Variants in MACROH2A1 observed in about 807,000 individuals in gnomAD.
The protein encoded by MACROH2A1 is core histone macro-H2A.1.
MACROH2A1 carries 2 observed loss-of-function variants against 31.6 expected under a neutral mutation model. The observed-to-expected ratio is 0.06, with a 90% CI of 0.03 to 0.20. MACROH2A1 has a LOEUF of 0.20. Among genes scored for constraint, MACROH2A1 ranks in the 10% least tolerant of loss-of-function variants. The pLI is 1.00. For missense variants in MACROH2A1, 230 were observed against 474.0 expected, an observed-to-expected ratio of 0.49 and a Z score of 4.78; for synonymous variants, 169 against 189.6, an observed-to-expected ratio of 0.89 and a Z score of 0.89.
At chr5:135,377,595 C>G (rs996483352) in intron 2 of MACROH2A1, among the ~76,000 whole-genome samples, 1 of 152,056 alleles carries the variant, frequency 6.6e-6, no homozygotes, top group Non-Finnish European at 1.5e-5. Context: ...ACATGTTCAT[C>G]AAGACAGGGG....
intron 7 of MACROH2A1, chr5:135,345,229 G>C (rs1182622530): frequency 1.3e-5 from 2 of 152,160 alleles, no homozygotes; most frequent in African/African-American, 4.8e-5. Flanking sequence ...TGCACGGCCT[G>C]GTGGACCCTC....
At chr5:135,352,164 G>A (rs1383311725) in intron 6 of MACROH2A1, among the ~76,000 whole-genome samples, 1 of 152,252 alleles carries the variant, frequency 6.6e-6, no homozygotes, top group Non-Finnish European at 1.5e-5. Flanking sequence ...GGCTGCATCT[G>A]TGTGCCTATT....
chr5:135,381,963 C>T (rs956358286), intron 2 of MACROH2A1, among the ~76,000 whole-genome samples: 42 of 152,150 alleles, frequency 2.8e-4, no homozygotes, highest in African/African-American at 9.6e-4. Context: ...GTTCAAAAAC[C>T]GAAGTGGAGG....
chr5:135,359,387 A>C (rs1762560070), intron 5 of MACROH2A1: 1 of 985,066 alleles, frequency 1.0e-6, no homozygotes, highest in African/African-American at 1.7e-5. Context: ...GGAACAAAAA[A>C]TATTTTAAAA....
intron 5 of MACROH2A1, chr5:135,353,380 G>A (rs1761811795): frequency 3.4e-6 from 1 of 293,338 alleles, no homozygotes; most frequent in Non-Finnish European, 6.6e-6. Context: ...GACCTAGAAT[G>A]AGTACTCATT....
intron 8 of MACROH2A1, among the ~76,000 whole-genome samples, chr5:135,337,357 C>T (rs188003831): frequency 7.2e-6 from 1 of 138,382 alleles, no homozygotes; most frequent in East Asian, 2.0e-4. Flanking sequence ...ACAGTGTAGC[C>T]TGGCCCATGC....
At chr5:135,355,883 G>T (rs571047667) in intron 5 of MACROH2A1, 1 of 152,892 alleles carries the variant, frequency 6.5e-6, no homozygotes, top group Non-Finnish European at 1.5e-5. Flanking sequence ...ACCAGCCAGG[G>T]TCAGATCCAG....
chr5:135,362,428 T>C (rs538376518), intron 4 of MACROH2A1: 3 of 152,380 alleles, frequency 2.0e-5, no homozygotes, highest in Admixed American at 2.0e-4. Flanking sequence ...TATGTATTGT[T>C]GGCATATATC....
At chr5:135,371,941 T>C (rs1764222022) in intron 2 of MACROH2A1, among the ~76,000 whole-genome samples, 1 of 152,142 alleles carries the variant, frequency 6.6e-6, no homozygotes, top group Admixed American at 6.5e-5. Context: ...CATGCATTTT[T>C]AAGAGGTACT....
chr5:135,367,782 C>G (rs765402872), intron 4 of MACROH2A1, among the ~76,000 whole-genome samples: 1 of 152,208 alleles, frequency 6.6e-6, no homozygotes, highest in Non-Finnish European at 1.5e-5. Flanking sequence ...GTCTCTGGGG[C>G]TCATAATCAA....
intron 2 of MACROH2A1, 21 bp downstream of exon 2, chr5:135,388,901 G>A (rs763910601): frequency 6.4e-7 from 1 of 1,569,952 alleles, no homozygotes; most frequent in Non-Finnish European, 8.7e-7. Flanking sequence ...GTGGTGTCTG[G>A]GTTGACTGAG....
intron 8 of MACROH2A1, among the ~76,000 whole-genome samples, chr5:135,338,375 C>T (rs545160445): frequency 6.6e-5 from 10 of 152,318 alleles, no homozygotes; most frequent in East Asian, 1.9e-4. Flanking sequence ...TGCAAAGCAC[C>T]GGGGCATGGC....
chr5:135,346,862 C>A (rs1373069836), intron 6 of MACROH2A1: 1 of 152,222 alleles, frequency 6.6e-6, no homozygotes, highest in Admixed American at 6.5e-5. Flanking sequence ...TCAGTTCCTG[C>A]TGTGAAAACC....
intron 2 of MACROH2A1, among the ~76,000 whole-genome samples, chr5:135,377,350 AG>A (rs1176543931): frequency 6.6e-6 from 1 of 152,268 alleles, no homozygotes; most frequent in Non-Finnish European, 1.5e-5. Flanking sequence ...TTGTTTTGAT[AG>A]GGAAAACCAC....
chr5:135,365,818 A>T (rs1763430660), intron 4 of MACROH2A1, among the ~76,000 whole-genome samples: 1 of 152,224 alleles, frequency 6.6e-6, no homozygotes. Context: ...AGAGATCCAC[A>T]AACAATGACA....
intron 2 of MACROH2A1, among the ~76,000 whole-genome samples, chr5:135,385,226 A>G (rs993991591): frequency 5.9e-5 from 9 of 152,196 alleles, no homozygotes; most frequent in African/African-American, 2.2e-4. Context: ...GAAGAAAACA[A>G]TCCCTTCTTA....
At chr5:135,351,521 C>T (rs1761541666) in intron 6 of MACROH2A1, 1 of 131,016 alleles carries the variant, frequency 7.6e-6, no homozygotes, top group Non-Finnish European at 1.6e-5. Flanking sequence ...CTTACTCTAG[C>T]CTATCTTATT....
chr5:135,360,285 T>TC, intron 5 of MACROH2A1: 1 of 583,250 alleles, frequency 1.7e-6, no homozygotes, highest in South Asian at 2.0e-5. Context: ...TACCACTGTC[T>TC]CCCTTCCCCA....
At chr5:135,357,597 A>T in intron 5 of MACROH2A1, 1 of 226,124 alleles carries the variant, frequency 4.4e-6, no homozygotes, top group Non-Finnish European at 7.4e-6. Flanking sequence ...TTTACCATTT[A>T]CCATTAAGTC....
Sources: gnomAD v4.1 joint callset for allele counts (sites outside exome capture counted in the v4.1 genomes callset) on GRCh38, gnomAD v4.1.1 for gene constraint, MANE v1.5 for transcripts, NCBI Gene and HGNC (gene_info 2026-07-23, HGNC 2026-07-21) for gene names.